AGAP1: variants seen among roughly 807,000 people sequenced by gnomAD.
The protein encoded by AGAP1 is ArfGAP with GTPase domain, ankyrin repeat and PH domain 1.
A neutral mutation model predicts 105.3 loss-of-function variants in AGAP1; 29 were observed. The observed-to-expected ratio is 0.28, with a 90% CI of 0.21 to 0.38. The LOEUF (loss-of-function observed/expected upper bound fraction) is 0.38. Ranked by LOEUF, AGAP1 falls within the 10% of genes least tolerant of loss-of-function variation. The pLI, the probability that AGAP1 is intolerant of heterozygous loss-of-function variation, is 1.00. For synonymous variants in AGAP1, 509 were observed against 485.9 expected (o/e 1.05, Z -0.63); for missense variants, 998 against 1,165.1 (o/e 0.86, Z 2.09).
intron 13 of AGAP1, among the ~76,000 whole-genome samples, chr2:236,029,739 C>G (rs193004163): frequency 6.7e-6 from 1 of 150,130 alleles, no homozygotes; most frequent in Non-Finnish European, 1.5e-5. Context: ...TTCTTCTCTG[C>G]TCTTTTCTGT....
intron 9 of AGAP1, among the ~76,000 whole-genome samples, chr2:235,816,897 A>C (rs1958490805): frequency 6.6e-6 from 1 of 151,868 alleles, no homozygotes; most frequent in Admixed American, 6.6e-5. Context: ...GAAAAAAAAA[A>C]AGATATCTAC....
At chr2:235,591,242 C>T (rs1197230600) in intron 1 of AGAP1, among the ~76,000 whole-genome samples, 2 of 152,118 alleles carry the variant, frequency 1.3e-5, no homozygotes, top group Non-Finnish European at 2.9e-5. Flanking sequence ...TCTTGAACTC[C>T]TGGACTCAGG....
intron 13 of AGAP1, among the ~76,000 whole-genome samples, chr2:236,034,478 T>C (rs892849321): frequency 6.6e-6 from 1 of 151,930 alleles, no homozygotes; most frequent in East Asian, 1.9e-4. Flanking sequence ...TCATTTGTTC[T>C]CCAAATTCAA....
At chr2:235,698,371 T>C (rs1003274174) in intron 1 of AGAP1, among the ~76,000 whole-genome samples, 1 of 152,192 alleles carries the variant, frequency 6.6e-6, no homozygotes, top group Non-Finnish European at 1.5e-5. Flanking sequence ...TGGGGACCCC[T>C]GTTTTAATAT....
In AGAP1 at chr2:235,865,662, G is replaced by C. The variant is rs1324506745; in HGVS notation, c.1051-17683G>C. On this transcript the variant is annotated intron_variant, in intron 9 of 17. Transcript: ENST00000304032. The surrounding 1 kb of genome is among the most constrained non-coding windows in gnomAD (Gnocchi z 6.2). ...CATTTGTAAAATAATAGGTGCTCTG[G>C]AGGAGGGGCAGGGCGGGAAATATTA... Among the ~76,000 whole-genome samples the C allele has an allele frequency of 6.6e-6, 1 of 152,174 alleles. No individual in the cohort carries two copies. Among genetic ancestry groups the C allele is most frequent in the African/African-American group, 2.4e-5 (1 of 41,446 alleles).
intron 1 of AGAP1, among the ~76,000 whole-genome samples, chr2:235,658,654 TGGC>T (rs1363796439): frequency 3.3e-5 from 5 of 151,976 alleles, no homozygotes; most frequent in Non-Finnish European, 7.4e-5. Flanking sequence ...CTGGAGCTGT[TGGC>T]GGGGCAGAGC....
At chr2:235,531,244 T>C (rs1943034531) in intron 1 of AGAP1, among the ~76,000 whole-genome samples, 1 of 152,132 alleles carries the variant, frequency 6.6e-6, no homozygotes, top group Admixed American at 6.5e-5. Context: ...CATCTTGCAG[T>C]TCATGAGATG....
chr2:235,811,697 C>T (rs1171818531), intron 9 of AGAP1, among the ~76,000 whole-genome samples: 2 of 152,176 alleles, frequency 1.3e-5, no homozygotes, highest in Non-Finnish European at 2.9e-5. Flanking sequence ...TGGGGACGAC[C>T]GCTCCCTGTC....
rs1053151791 is a variant in AGAP1, at chr2:235,872,829, G to A, written c.1051-10516G>A. Among the ~76,000 whole-genome samples, 17 of 152,186 alleles carry A rather than the reference G, an allele frequency of 1.1e-4. No homozygotes were observed. The highest frequency in any genetic ancestry group is 4.1e-4 in the African/African-American group (17 of 41,456). ...TGGGGGATGCTGAGTGTGTTCAGAG[G>A]GGCGTCCCATGGTCGAACTGGAACT... On this transcript the variant is annotated intron_variant, in intron 9 of 17. Coordinates refer to ENST00000304032, the MANE Select transcript of AGAP1 (RefSeq NM_001037131.3). This position sits in a 1 kb window ranked among gnomAD's most constrained non-coding sequence, Gnocchi z 4.5.
intron 9 of AGAP1, among the ~76,000 whole-genome samples, chr2:235,859,650 G>A (rs914116471): frequency 4.0e-5 from 6 of 151,350 alleles, no homozygotes; most frequent in African/African-American, 1.2e-4. Flanking sequence ...GCATTTGTCC[G>A]GAAGGCCTTA....
chr2:235,650,190 G>A (rs1164355933), intron 1 of AGAP1, among the ~76,000 whole-genome samples: 5 of 152,178 alleles, frequency 3.3e-5, no homozygotes, highest in East Asian at 1.9e-4. Flanking sequence ...GAAGAACCCC[G>A]TCTCTACTAA....
rs560473976 is a variant in AGAP1, at chr2:235,724,386, A to G, written c.310+6742A>G. 6.6e-6 allele frequency among the ~76,000 whole-genome samples: 1 copy of G among 152,308 alleles called. No individual in the cohort carries two copies. The highest frequency in any genetic ancestry group is 6.5e-5 in the Admixed American group (1 of 15,310). The stretch of plus-strand genomic sequence containing the variant: ...CCACACATAGGCAGCAGCTGCCCCC[A>G]TGCTCTGTCCCAGAGACGGAACACA... On this transcript the variant is annotated intron_variant, in intron 3 of 17. Transcript: ENST00000304032. The surrounding 1 kb of genome is among the most constrained non-coding windows in gnomAD (Gnocchi z 4.9).
chr2:235,929,638 C>T (rs1575806944), intron 11 of AGAP1, among the ~76,000 whole-genome samples: 1 of 152,142 alleles, frequency 6.6e-6, no homozygotes, highest in Non-Finnish European at 1.5e-5. Flanking sequence ...CACGGGATCG[C>T]AGTGAGGCCG....
chr2:235,515,793 C>G (rs1942353357), intron 1 of AGAP1, among the ~76,000 whole-genome samples: 1 of 152,064 alleles, frequency 6.6e-6, no homozygotes, highest in African/African-American at 2.4e-5. Flanking sequence ...TGAATGACTT[C>G]TTGCAAATAG....
rs1383602584 is a variant in AGAP1, at chr2:235,642,960, C to A, written c.164-66219C>A. Among the ~76,000 whole-genome samples, 13 of 152,062 alleles carry A rather than the reference C, an allele frequency of 8.5e-5. No homozygotes were observed. ...GTGGTGGTGGGGACCTGGCAAGGTA[C>A]CGAACGGTGGAGGTGACTGTAGGAT... On this transcript the variant is annotated intron_variant, in intron 1 of 17. Coordinates refer to ENST00000304032, the MANE Select transcript of AGAP1 (RefSeq NM_001037131.3). This position sits in a 1 kb window ranked among gnomAD's most constrained non-coding sequence, Gnocchi z 4.1.
intron 2 of AGAP1, among the ~76,000 whole-genome samples, 160 bp from the exon 3 acceptor site, chr2:235,717,397 T>TA (rs1265694026): frequency 2.0e-5 from 3 of 152,258 alleles, no homozygotes; most frequent in Admixed American, 2.0e-4. Flanking sequence ...GACTCCCTTT[T>TA]ACTCCAATGG....
intron 16 of AGAP1, among the ~76,000 whole-genome samples, chr2:236,063,988 CATG>C (rs1200867243): frequency 6.6e-6 from 1 of 152,204 alleles, no homozygotes; most frequent in Admixed American, 6.5e-5. Flanking sequence ...CATACATAAT[CATG>C]ATGACTTACC....
Position 235,639,888 on chromosome 2 carries a change from T to C in AGAP1, c.164-69291T>C, listed in dbSNP as rs915019014. On this transcript the variant is annotated intron_variant, in intron 1 of 17. Transcript: ENST00000304032. This position sits in a 1 kb window ranked among gnomAD's most constrained non-coding sequence, Gnocchi z 5.3. ...CACGGATTGATAGAGTCAGCAGGGA[T>C]GGACAGTTTCCCCTTCAGCACCTTT... Among the ~76,000 whole-genome samples the C allele has an allele frequency of 1.3e-5, 2 of 152,220 alleles. No homozygotes were observed. The highest frequency in any genetic ancestry group is 4.8e-5 in the African/African-American group (2 of 41,462).
chr2:236,048,856 G>T (rs1016010207), intron 15 of AGAP1, among the ~76,000 whole-genome samples: 20 of 152,354 alleles, frequency 1.3e-4, no homozygotes, highest in African/African-American at 3.8e-4. Context: ...TCAGCCAAAT[G>T]TGTTCTGAAG....
Sources: allele counts gnomAD v4.1 joint callset (sites outside exome capture counted in the v4.1 genomes callset), GRCh38; gene constraint gnomAD v4.1.1; non-coding constraint Gnocchi (gnomAD v3.1); transcripts MANE v1.5; gene names NCBI Gene and HGNC (gene_info 2026-07-23, HGNC 2026-07-21).